The following SLC25A26 variants were observed in gnomAD, a reference collection of about 807,000 sequenced individuals.
SLC25A26 encodes the protein mitochondrial S-adenosylmethionine carrier protein.
In SLC25A26, 36 loss-of-function variants were observed where a neutral mutation model predicts 37.8. The observed-to-expected ratio is 0.95, with a 90% CI of 0.73 to 1.26. SLC25A26 has a LOEUF of 1.26. SLC25A26 is among the 50% of genes most tolerant of loss of function. SLC25A26 has a pLI of 0.00. For missense variants in SLC25A26, 390 were observed against 331.1 expected, an observed-to-expected ratio of 1.18 and a Z score of -1.38; for synonymous variants, 129 against 122.5, an observed-to-expected ratio of 1.05 and a Z score of -0.35.
intron 1 of SLC25A26, among the ~76,000 whole-genome samples, chr3:66,209,363 GTATA>G (rs1197821347): frequency 7.4e-6 from 1 of 135,624 alleles, no homozygotes; most frequent in South Asian, 2.4e-4. Flanking sequence ...ATATCTGTAT[GTATA>G]TATATACATA....
chr3:66,196,702 C>CT (rs1271002299), intron 1 of SLC25A26, among the ~76,000 whole-genome samples: 1 of 121,946 alleles, frequency 8.2e-6, no homozygotes, highest in Non-Finnish European at 1.7e-5. Context: ...ACTGCAATAA[C>CT]TTTAAAAAAA....
chr3:66,211,987 C>A lies in SLC25A26; in HGVS notation c.-353-8755C>A, dbSNP rs1400487224. ...CTCCCCTTATCTGCAGTTTCACTTT[C>A]TGTGATTTCAGTTACCGAGTGAACC... On this transcript the variant is annotated intron_variant, in intron 1 of 10. Transcript: ENST00000676754. Among the ~76,000 whole-genome samples the A allele has an allele frequency of 2.6e-5, 4 of 152,196 alleles. No individual in the cohort carries two copies. In the East Asian group the frequency reaches 7.7e-4, roughly 29 times the overall value.
At chr3:66,205,479 G>A (rs1035734450) in intron 1 of SLC25A26, among the ~76,000 whole-genome samples, 1 of 152,186 alleles carries the variant, frequency 6.6e-6, no homozygotes, top group Non-Finnish European at 1.5e-5. Flanking sequence ...TATGGAGGGA[G>A]ATATTTTGCA....
intron 3 of SLC25A26, among the ~76,000 whole-genome samples, chr3:66,255,388 G>A (rs1366634995): frequency 6.6e-6 from 1 of 152,066 alleles, no homozygotes; most frequent in East Asian, 1.9e-4. Flanking sequence ...AATCTTGGTA[G>A]CAGCATCATG....
At chr3:66,358,515 A>G (rs1439397355) in intron 6 of SLC25A26, among the ~76,000 whole-genome samples, 1 of 152,254 alleles carries the variant, frequency 6.6e-6, no homozygotes. Context: ...ATGAATGCTT[A>G]TCTGTGTGTT....
chr3:66,283,723 A>T (rs1269645385), intron 5 of SLC25A26, among the ~76,000 whole-genome samples: 1 of 152,150 alleles, frequency 6.6e-6, no homozygotes, highest in African/African-American at 2.4e-5. Flanking sequence ...TATTGTTTTA[A>T]TCTTAGTTGA....
intron 9 of SLC25A26, among the ~76,000 whole-genome samples, chr3:66,374,574 CA>C (rs1327215582): frequency 7.9e-5 from 12 of 152,322 alleles, no homozygotes; most frequent in African/African-American, 2.9e-4. Context: ...GGAAGAATCA[CA>C]CCTTTCTCAT....
intron 6 of SLC25A26, among the ~76,000 whole-genome samples, chr3:66,362,320 C>T (rs966425694): frequency 6.6e-6 from 1 of 152,078 alleles, no homozygotes; most frequent in Admixed American, 6.6e-5. Context: ...GCGTAAATCA[C>T]GGTATATCCA....
chr3:66,281,915 C>T (rs542660876), intron 5 of SLC25A26, among the ~76,000 whole-genome samples: 5 of 150,722 alleles, frequency 3.3e-5, no homozygotes, highest in African/African-American at 1.2e-4. Flanking sequence ...CTCCGCCTCC[C>T]AGGTTCAAGC....
intron 5 of SLC25A26, chr3:66,304,529 G>A (rs1229255609): frequency 1.3e-5 from 6 of 454,960 alleles, no homozygotes; most frequent in Admixed American, 7.1e-5. Context: ...TATACATGCT[G>A]TTATACTGGT....
chr3:66,149,620 G>A (rs1041600453), intron 1 of SLC25A26, among the ~76,000 whole-genome samples: 1 of 152,148 alleles, frequency 6.6e-6, no homozygotes, highest in Non-Finnish European at 1.5e-5. Flanking sequence ...AATAACATAT[G>A]ATTATTGCCA....
intron 5 of SLC25A26, among the ~76,000 whole-genome samples, chr3:66,315,126 G>C (rs797018378): frequency 7.4e-6 from 1 of 134,596 alleles, no homozygotes; most frequent in Admixed American, 7.8e-5. Context: ...ATCTCCTTCA[G>C]TTCTGCTCTG....
rs531553575 is a variant in SLC25A26 at position 66,326,901 on chromosome 3, T to C, written c.454-19463T>C. 3.9e-5 allele frequency among the ~76,000 whole-genome samples: 6 copies of C among 152,340 alleles called. No homozygotes were observed. The East Asian group carries it at 7.7e-4, about 20-fold the overall frequency. ...CTCTGGTCCTCTCCACACCTACTTA[T>C]AGGCCATGCAGACTGGTGGGTTGCA... On this transcript the variant is annotated intron_variant, in intron 5 of 9. Coordinates refer to ENST00000354883, the MANE Select transcript of SLC25A26 (RefSeq NM_001379210.1).
chr3:66,167,387 A>G (rs1263570885), intron 1 of SLC25A26, among the ~76,000 whole-genome samples: 1 of 152,244 alleles, frequency 6.6e-6, no homozygotes, highest in East Asian at 1.9e-4. Context: ...AAATGAAGCC[A>G]AGACATAGGG....
At chr3:66,339,327 G>A (rs1278117949) in intron 5 of SLC25A26, among the ~76,000 whole-genome samples, 1 of 151,946 alleles carries the variant, frequency 6.6e-6, no homozygotes, top group African/African-American at 2.4e-5. Context: ...CAAGTCCTTT[G>A]TTAAATACAC....
intron 5 of SLC25A26, among the ~76,000 whole-genome samples, chr3:66,317,127 G>T (rs999212499): frequency 1.3e-5 from 2 of 152,058 alleles, no homozygotes; most frequent in Non-Finnish European, 2.9e-5. Flanking sequence ...CTCAAGCCTC[G>T]GCCCAGTTCT....
At chr3:66,158,281 T>A (rs982624302) in intron 1 of SLC25A26, among the ~76,000 whole-genome samples, 1 of 152,250 alleles carries the variant, frequency 6.6e-6, no homozygotes, top group African/African-American at 2.4e-5. Context: ...TGTTGTAGCA[T>A]GTATTATTCT....
chr3:66,289,777 C>T (rs1354866555), intron 5 of SLC25A26, among the ~76,000 whole-genome samples: 1 of 152,124 alleles, frequency 6.6e-6, no homozygotes, highest in Non-Finnish European at 1.5e-5. Flanking sequence ...TGTTCTTTTG[C>T]TTAGGATTGA....
In SLC25A26 at chr3:66,170,294, G is replaced by A. The variant is rs147992199; in HGVS notation, c.-354+36310G>A. 3.7e-3 allele frequency among the ~76,000 whole-genome samples: 570 copies of A among 152,264 alleles called. 6 individuals are homozygous for A. Among genetic ancestry groups the A allele is most frequent in the African/African-American group, 0.013 (527 of 41,542 alleles). On this transcript the variant is annotated intron_variant, in intron 1 of 10. Coordinates refer to the SLC25A26 transcript ENST00000676754. ...GGCTTTACACCTCAGGTATGACTGA[G>A]GCACTTCAACATAATTTGCTTCTAA...
Sources: gnomAD v4.1 joint callset for allele counts (sites outside exome capture counted in the v4.1 genomes callset) on GRCh38, gnomAD v4.1.1 for gene constraint, MANE v1.5 for transcripts, NCBI Gene and HGNC (gene_info 2026-07-23, HGNC 2026-07-21) for gene names.